The following NRG3 variants were observed in gnomAD, a reference collection of about 807,000 sequenced individuals.
The protein encoded by NRG3 is pro-neuregulin-3, membrane-bound isoform.
NRG3 carries 31 observed loss-of-function variants against 66.9 expected under a neutral mutation model. The ratio of observed to expected loss-of-function variants is 0.46; its 90% confidence interval spans 0.35 to 0.63. The LOEUF (loss-of-function observed/expected upper bound fraction) is 0.63, where lower values mean the gene tolerates loss of function less well. Among genes scored for constraint, NRG3 ranks in the 20% least tolerant of loss-of-function variants. The probability of loss-of-function intolerance (pLI) is 0.00; values close to 1 mark genes in which losing one functional copy is unlikely to be tolerated. For synonymous variants in NRG3, 393 were observed against 359.4 expected, an observed-to-expected ratio of 1.09 and a Z score of -1.06; for missense variants, 910 against 878.9, an observed-to-expected ratio of 1.04 and a Z score of -0.45.
chr10:81,877,575 C>A, intron 1 of NRG3: 1 of 643,462 alleles, frequency 1.6e-6, no homozygotes, highest in Non-Finnish European at 2.0e-6. Flanking sequence ...AAACTTTTTT[C>A]TTTTTAAAGA....
intron 2 of NRG3, among the ~76,000 whole-genome samples, chr10:82,424,428 G>A (rs1026454287): frequency 6.6e-6 from 1 of 151,756 alleles, no homozygotes; most frequent in Non-Finnish European, 1.5e-5. Flanking sequence ...ATGCTTATTG[G>A]CCATTTATGC....
chr10:82,726,679 T>C (rs1373065251), intron 2 of NRG3, among the ~76,000 whole-genome samples: 1 of 152,140 alleles, frequency 6.6e-6, no homozygotes, highest in Non-Finnish European at 1.5e-5. Context: ...GACTAATACA[T>C]TAAATTTGTT....
chr10:82,946,282 T>C (rs940080784), intron 4 of NRG3, among the ~76,000 whole-genome samples: 54 of 151,184 alleles, frequency 3.6e-4, no homozygotes, highest in African/African-American at 1.3e-3. Context: ...GGCTCGCGCC[T>C]GTAATCCCAG....
intron 1 of NRG3, among the ~76,000 whole-genome samples, chr10:82,204,578 T>C (rs1406937760): frequency 1.3e-5 from 2 of 152,204 alleles, no homozygotes; most frequent in African/African-American, 2.4e-5. Context: ...TGTACAACTC[T>C]CTCTGTGTTC....
intron 3 of NRG3, among the ~76,000 whole-genome samples, chr10:82,795,045 G>A (rs561292572): frequency 2.6e-5 from 4 of 152,240 alleles, no homozygotes; most frequent in South Asian, 2.1e-4. Context: ...TAAAACTCAC[G>A]TATAAAAATA....
chr10:82,787,649 G>A (rs983438321), intron 3 of NRG3, among the ~76,000 whole-genome samples: 1 of 152,208 alleles, frequency 6.6e-6, no homozygotes, highest in Non-Finnish European at 1.5e-5. Context: ...TGCTGAGGCT[G>A]CTTCTGCAAG....
At chr10:81,964,395 CAAAA>C (rs58231167) in intron 1 of NRG3, among the ~76,000 whole-genome samples, 6 of 65,858 alleles carry the variant, frequency 9.1e-5, no homozygotes, top group Admixed American at 1.7e-4. Context: ...GACTCTGTCT[CAAAA>C]AAAAAAAAAA....
intron 1 of NRG3, among the ~76,000 whole-genome samples, chr10:82,152,847 TTTC>T (rs199846055): frequency 0.022 from 3,280 of 150,002 alleles, 124 homozygotes; most frequent in African/African-American, 0.077. Context: ...TTTTTCTTTC[TTTC>T]TTTCTTTTCT....
At chr10:82,646,883 A>G (rs952148146) in intron 2 of NRG3, among the ~76,000 whole-genome samples, 1 of 152,118 alleles carries the variant, frequency 6.6e-6, no homozygotes, top group Non-Finnish European at 1.5e-5. Flanking sequence ...GGTGCCCACC[A>G]AATTTAGGCC....
chr10:82,273,950 A>G (rs2078721350), intron 1 of NRG3, among the ~76,000 whole-genome samples: 1 of 151,964 alleles, frequency 6.6e-6, no homozygotes, highest in Admixed American at 6.6e-5. Flanking sequence ...AGTATCATTC[A>G]CCTACAAATA....
At chr10:82,573,920 G>A (rs143882097) in intron 2 of NRG3, among the ~76,000 whole-genome samples, 7 of 151,868 alleles carry the variant, frequency 4.6e-5, no homozygotes, top group East Asian at 3.9e-4. Flanking sequence ...TAAATTTGGC[G>A]AAAGAAGAAG....
At chr10:82,433,754 G>C (rs1467497277) in intron 2 of NRG3, among the ~76,000 whole-genome samples, 1 of 152,126 alleles carries the variant, frequency 6.6e-6, no homozygotes, top group Non-Finnish European at 1.5e-5. Flanking sequence ...AGATCAGATG[G>C]TTGTAGATGT....
chr10:82,823,052 C>A (rs954869176), intron 3 of NRG3, among the ~76,000 whole-genome samples: 2 of 152,074 alleles, frequency 1.3e-5, no homozygotes, highest in African/African-American at 4.8e-5. Context: ...CTTCTTCTGC[C>A]AGAGAGATCA....
At chr10:82,542,704 T>A (rs2043623790) in intron 2 of NRG3, among the ~76,000 whole-genome samples, 1 of 152,220 alleles carries the variant, frequency 6.6e-6, no homozygotes, top group South Asian at 2.1e-4. Flanking sequence ...CTTGTGGCAG[T>A]CTTGCCAAAG....
intron 2 of NRG3, among the ~76,000 whole-genome samples, chr10:82,678,516 T>C (rs1177479105): frequency 6.6e-6 from 1 of 152,188 alleles, no homozygotes; most frequent in Non-Finnish European, 1.5e-5. Context: ...TTCAGTTACT[T>C]CAGGCCATCT....
chr10:82,785,100 A>G (rs1210880751), intron 3 of NRG3, among the ~76,000 whole-genome samples: 1 of 152,048 alleles, frequency 6.6e-6, no homozygotes, highest in African/African-American at 2.4e-5. Flanking sequence ...AAACTATCGC[A>G]AGGACAAAAA....
chr10:82,176,744 G>C (rs2073060696), intron 1 of NRG3, among the ~76,000 whole-genome samples: 1 of 152,082 alleles, frequency 6.6e-6, no homozygotes, highest in Non-Finnish European at 1.5e-5. Flanking sequence ...TGGGCTCAAT[G>C]ATTGCTGTTT....
chr10:82,310,634 C>A (rs2134965061), intron 1 of NRG3, among the ~76,000 whole-genome samples: 1 of 152,174 alleles, frequency 6.6e-6, no homozygotes, highest in East Asian at 1.9e-4. Context: ...GTAGAATATG[C>A]CCAAAATTTC....
chr10:82,881,003 A>C (rs2136058557), intron 4 of NRG3, among the ~76,000 whole-genome samples: 1 of 152,328 alleles, frequency 6.6e-6, no homozygotes. Context: ...AGAATTAATG[A>C]GGAAACTTAG....
Sources: allele counts gnomAD v4.1 joint callset (sites outside exome capture counted in the v4.1 genomes callset), GRCh38; gene constraint gnomAD v4.1.1; transcripts MANE v1.5; gene names NCBI Gene and HGNC (gene_info 2026-07-23, HGNC 2026-07-21).